Variants in CDH13 observed in about 807,000 individuals in gnomAD.
CDH13 encodes the protein cadherin-13.
CDH13 carries 24 observed loss-of-function variants against 63.8 expected under a neutral mutation model. The observed-to-expected ratio is 0.38, with a 90% confidence interval of 0.27 to 0.53. The LOEUF (loss-of-function observed/expected upper bound fraction) is 0.53, where lower values mean the gene tolerates loss of function less well. Ranked by LOEUF, CDH13 falls within the 20% of genes least tolerant of loss-of-function variation. The probability of loss-of-function intolerance (pLI) is 0.85; values close to 1 mark genes in which losing one functional copy is unlikely to be tolerated. For missense variants in CDH13, 1,049 were observed against 903.1 expected, an observed-to-expected ratio of 1.16 and a Z score of -2.07; for synonymous variants, 503 against 355.3, an observed-to-expected ratio of 1.42 and a Z score of -4.67.
chr16:83,217,740 G>C (rs1362700887), intron 5 of CDH13, among the ~76,000 whole-genome samples: 2 of 152,142 alleles, frequency 1.3e-5, no homozygotes, highest in African/African-American at 4.8e-5. Flanking sequence ...AGACCAAGAA[G>C]GGAGACCCTG....
intron 8 of CDH13, among the ~76,000 whole-genome samples, chr16:83,613,406 C>G (rs2150766489): frequency 6.6e-6 from 1 of 152,262 alleles, no homozygotes; most frequent in Non-Finnish European, 1.5e-5. Flanking sequence ...TGTTTGTATG[C>G]ACACATACAT....
intron 1 of CDH13, among the ~76,000 whole-genome samples, chr16:82,758,590 G>A (rs2034712505): frequency 6.6e-6 from 1 of 152,170 alleles, no homozygotes; most frequent in Non-Finnish European, 1.5e-5. Flanking sequence ...TGTTCCCAGT[G>A]AGCCAATCAG....
chr16:83,243,465 T>C (rs982590815), intron 5 of CDH13, among the ~76,000 whole-genome samples: 4 of 152,128 alleles, frequency 2.6e-5, no homozygotes, highest in African/African-American at 9.7e-5. Flanking sequence ...CATGATTCAC[T>C]TACCTCTCTC....
chr16:83,141,142 G>A (rs2036512092), intron 4 of CDH13, among the ~76,000 whole-genome samples: 1 of 152,164 alleles, frequency 6.6e-6, no homozygotes, highest in Non-Finnish European at 1.5e-5. Flanking sequence ...CTGATTCAGT[G>A]AGATCAGAGA....
At chr16:83,686,881 G>A (rs1904354844) in intron 10 of CDH13, among the ~76,000 whole-genome samples, 1 of 152,108 alleles carries the variant, frequency 6.6e-6, no homozygotes, top group Non-Finnish European at 1.5e-5. Context: ...GCTGGGTTGG[G>A]GGTGACTGCA....
chr16:82,871,912 C>G (rs1597860564), intron 2 of CDH13, among the ~76,000 whole-genome samples: 2 of 152,186 alleles, frequency 1.3e-5, no homozygotes, highest in African/African-American at 2.4e-5. Context: ...CATCTGTTTT[C>G]CCAGTGTTCC....
chr16:83,790,051 T>C (rs1370656656), intron 13 of CDH13: 1 of 151,658 alleles, frequency 6.6e-6, no homozygotes, highest in Non-Finnish European at 1.5e-5. Flanking sequence ...CCAAGTAGAC[T>C]GGCAGCAACC....
chr16:82,716,446 A>C (rs6565060), intron 1 of CDH13, among the ~76,000 whole-genome samples: 1 of 151,646 alleles, frequency 6.6e-6, no homozygotes. Context: ...CTAAATTTAG[A>C]TAAGTCACAA....
At chr16:83,333,608 T>C (rs2151905524) in intron 5 of CDH13, among the ~76,000 whole-genome samples, 1 of 152,322 alleles carries the variant, frequency 6.6e-6, no homozygotes, top group East Asian at 1.9e-4. Context: ...GTTTAGTATT[T>C]CTACTTGCTG....
intron 1 of CDH13, among the ~76,000 whole-genome samples, chr16:82,761,492 C>T (rs957137653): frequency 3.9e-5 from 6 of 152,212 alleles, no homozygotes; most frequent in African/African-American, 7.2e-5. Flanking sequence ...CTTTCATGTT[C>T]TTTCTACCTC....
At chr16:83,708,438 A>G (rs1031299543) in intron 10 of CDH13, among the ~76,000 whole-genome samples, 3 of 152,024 alleles carry the variant, frequency 2.0e-5, no homozygotes, top group African/African-American at 4.8e-5. Context: ...AAATTCCCCA[A>G]CGCCCTTGGC....
chr16:83,179,982 T>C (rs984055136), intron 4 of CDH13, among the ~76,000 whole-genome samples: 2 of 152,162 alleles, frequency 1.3e-5, no homozygotes, highest in Non-Finnish European at 2.9e-5. Flanking sequence ...CTAATTTTAA[T>C]CCATATATTT....
chr16:82,974,942 A>G (rs1164175620), intron 2 of CDH13, among the ~76,000 whole-genome samples: 1 of 152,174 alleles, frequency 6.6e-6, no homozygotes, highest in Non-Finnish European at 1.5e-5. Flanking sequence ...CACATAAACT[A>G]CGCCCAGACT....
intron 1 of CDH13, among the ~76,000 whole-genome samples, chr16:82,807,652 C>A (rs902638226): frequency 1.3e-5 from 2 of 152,114 alleles, no homozygotes; most frequent in Admixed American, 6.6e-5. Flanking sequence ...GGGATAATAA[C>A]CCTTAAGCTA....
chr16:83,219,991 T>G (rs908443484), intron 5 of CDH13, among the ~76,000 whole-genome samples: 2 of 152,190 alleles, frequency 1.3e-5, no homozygotes, highest in Non-Finnish European at 2.9e-5. Context: ...TATACCCTCA[T>G]TGGAAAGGGT....
At chr16:82,811,843 A>G (rs1037255305) in intron 1 of CDH13, among the ~76,000 whole-genome samples, 1 of 152,186 alleles carries the variant, frequency 6.6e-6, no homozygotes, top group African/African-American at 2.4e-5. Context: ...ACACCACTCA[A>G]CTTAATAAGG....
chr16:82,635,420 G>A (rs1908534271), intron 1 of CDH13, among the ~76,000 whole-genome samples: 1 of 152,192 alleles, frequency 6.6e-6, no homozygotes, highest in South Asian at 2.1e-4. Context: ...CTCTATTCAG[G>A]GGAAACACCA....
chr16:83,712,339 T>C lies in CDH13; in HGVS notation c.1538+33878T>C, dbSNP rs555230261. Among the ~76,000 whole-genome samples, 33 of 152,342 alleles carry C rather than the reference T, an allele frequency of 2.2e-4. 1 individual carries two copies. In the South Asian group the frequency reaches 2.9e-3, roughly 13 times the overall value. On this transcript the variant is annotated intron_variant, in intron 10 of 13. Transcript: ENST00000567109. Reference sequence around the variant, plus strand: ...ATCTCATGAGACCAAACTCCAGGTCTAGGCACACCTGGTTTGGGACAGGCC... The same window carrying C: ...ATCTCATGAGACCAAACTCCAGGTCCAGGCACACCTGGTTTGGGACAGGCC...
intron 2 of CDH13, among the ~76,000 whole-genome samples, chr16:82,932,576 A>C (rs1052554707): frequency 1.3e-5 from 2 of 152,242 alleles, no homozygotes; most frequent in African/African-American, 4.8e-5. Flanking sequence ...TAGCCCGTCC[A>C]GTGAGGTAGA....
Sources: gnomAD v4.1 joint callset for allele counts (sites outside exome capture counted in the v4.1 genomes callset) on GRCh38, gnomAD v4.1.1 for gene constraint, MANE v1.5 for transcripts, NCBI Gene and HGNC (gene_info 2026-07-23, HGNC 2026-07-21) for gene names.